The following PLEKHA6 variants were observed in gnomAD, a reference collection of about 807,000 sequenced individuals.
The protein encoded by PLEKHA6 is pleckstrin homology domain containing A6.
Under a neutral mutation model 116.7 loss-of-function variants are expected in PLEKHA6, and 60 were observed. The observed-to-expected ratio is 0.51, with a 90% CI of 0.42 to 0.64. PLEKHA6 has a LOEUF of 0.64. PLEKHA6 is among the 30% of genes least tolerant of loss of function. PLEKHA6 has a pLI of 0.00. For synonymous variants in PLEKHA6, 489 were observed against 556.1 expected (o/e 0.88, Z 1.70); for missense variants, 1,338 against 1,422.7 (o/e 0.94, Z 0.96).
chr1:204,323,393 T>C (rs1276321023), intron 1 of PLEKHA6, among the ~76,000 whole-genome samples: 2 of 152,218 alleles, frequency 1.3e-5, no homozygotes, highest in African/African-American at 2.4e-5. Context: ...ACCTGTCCAA[T>C]AGATCCCAGC....
At chr1:204,249,112 C>T in intron 11 of PLEKHA6, 72 bp downstream of exon 11, 2 of 1,482,038 alleles carry the variant, frequency 1.3e-6, no homozygotes, top group Admixed American at 3.4e-5. Flanking sequence ...AGGTTGGAGA[C>T]AGCAGCCCAC....
intron 1 of PLEKHA6, among the ~76,000 whole-genome samples, chr1:204,335,583 T>C (rs796918545): frequency 2.0e-5 from 3 of 152,068 alleles, no homozygotes; most frequent in African/African-American, 7.2e-5. Context: ...CAAGAAGACA[T>C]TGAGGGAACA....
At chr1:204,340,237 T>C (rs193080873) in intron 1 of PLEKHA6, among the ~76,000 whole-genome samples, 56 of 152,274 alleles carry the variant, frequency 3.7e-4, no homozygotes, top group Non-Finnish European at 6.8e-4. Context: ...GCAGGGTAGC[T>C]GAATGTTAGA....
intron 15 of PLEKHA6, 95 bp from the exon 16 acceptor site, chr1:204,241,909 C>A: frequency 7.5e-7 from 1 of 1,329,812 alleles, no homozygotes; most frequent in South Asian, 1.2e-5. Flanking sequence ...GGTTGAAGCT[C>A]AAACCCTTGC....
rs116089810 is a variant in PLEKHA6, at chr1:204,306,381, C to T, written c.-94-31572G>A. Among the ~76,000 whole-genome samples the T allele has an allele frequency of 2.1e-3, 315 of 152,260 alleles. 2 individuals carry two copies. The highest frequency in any genetic ancestry group is 6.9e-3 in the African/African-American group (287 of 41,556). On this transcript the variant is annotated intron_variant, in intron 1 of 22. Coordinates refer to ENST00000272203, the MANE Select transcript of PLEKHA6 (RefSeq NM_014935.5). ...CCACACAAACCCTAGGAAGACGGGGCCACATTCAGCCAGCCTTACCCACCA... is the reference window on the plus strand; with the variant it reads ...CCACACAAACCCTAGGAAGACGGGGTCACATTCAGCCAGCCTTACCCACCA...
chr1:204,224,239 G>A (rs1660022504), intron 21 of PLEKHA6, among the ~76,000 whole-genome samples: 1 of 152,054 alleles, frequency 6.6e-6, no homozygotes, highest in African/African-American at 2.4e-5. Context: ...GAATTAATGA[G>A]ATTTTACTCT....
chr1:204,261,491 C>T lies in PLEKHA6; in HGVS notation c.382-43G>A, dbSNP rs369854187. 12 of 1,555,548 alleles carry T rather than the reference C, an allele frequency of 7.7e-6. No individual in the cohort carries two copies. Among genetic ancestry groups the T allele is most frequent in the Admixed American group, 1.9e-5 (1 of 52,430 alleles). ...GTGTGGAGCTGGCCTCGGCCTCATCCACCCAGCACACAGTCACCTGTTGGG... is the reference window on the plus strand; with the variant it reads ...GTGTGGAGCTGGCCTCGGCCTCATCTACCCAGCACACAGTCACCTGTTGGG... On this transcript the variant is annotated intron_variant, in intron 6 of 22. Coordinates refer to ENST00000272203, the MANE Select transcript of PLEKHA6 (RefSeq NM_014935.5). This position sits in a 1 kb window ranked among gnomAD's most constrained non-coding sequence, Gnocchi z 4.0.
At chr1:204,249,582 C>T (rs1664261060) in intron 10 of PLEKHA6, among the ~76,000 whole-genome samples, 1 of 152,168 alleles carries the variant, frequency 6.6e-6, no homozygotes, top group African/African-American at 2.4e-5. Context: ...TATGACCTCA[C>T]CTCTTAGGCT....
chr1:204,258,601 A>G (rs1665671929), intron 8 of PLEKHA6, among the ~76,000 whole-genome samples: 1 of 152,220 alleles, frequency 6.6e-6, no homozygotes, highest in Non-Finnish European at 1.5e-5. Flanking sequence ...GCCTTCCTGA[A>G]GCTGTGGCCT....
chr1:204,347,164 C>CT (rs1558194680), intron 1 of PLEKHA6: 3 of 1,129,500 alleles, frequency 2.7e-6, no homozygotes, highest in African/African-American at 3.1e-5. Context: ...CTTATAGACT[C>CT]GCATATACGT....
At chr1:204,372,949 C>T (rs892295435) in intron 1 of PLEKHA6, among the ~76,000 whole-genome samples, 1 of 151,732 alleles carries the variant, frequency 6.6e-6, no homozygotes, top group Non-Finnish European at 1.5e-5. Context: ...ACTCTGCCAT[C>T]CAGACTGGAG....
At chr1:204,322,655 G>C (rs6703598) in intron 1 of PLEKHA6, among the ~76,000 whole-genome samples, 46,477 of 152,034 alleles carry the variant, frequency 0.31, 7,340 homozygotes, top group African/African-American at 0.38. Flanking sequence ...TTCCTTAATG[G>C]GCAGGCAGCA....
In PLEKHA6 at chr1:204,261,727, G is replaced by A. The variant is rs1666145126; in HGVS notation, c.382-279C>T. Among the ~76,000 whole-genome samples the A allele has an allele frequency of 6.6e-6, 1 of 152,152 alleles. No homozygotes were observed. The highest frequency in any genetic ancestry group is 2.1e-4 in the South Asian group (1 of 4,826). On this transcript the variant is annotated intron_variant, in intron 6 of 22. Transcript: ENST00000272203. The surrounding 1 kb of genome is among the most constrained non-coding windows in gnomAD (Gnocchi z 4.0). ...AGGTCAGCCTACTTGCCCCACCTGG[G>A]GTAATTAAAGCAGGAGGGACAATGA...
intron 1 of PLEKHA6, chr1:204,297,094 G>C (rs1572114142): frequency 1.0e-6 from 1 of 984,044 alleles, no homozygotes. Context: ...GAAAGGAAAA[G>C]AATTTAGTGA....
chr1:204,250,268 G>C (rs181052733), intron 10 of PLEKHA6, among the ~76,000 whole-genome samples: 1 of 152,226 alleles, frequency 6.6e-6, no homozygotes, highest in Non-Finnish European at 1.5e-5. Flanking sequence ...TAGGCAAAAC[G>C]GCCCAGCGCT....
At chr1:204,263,633 C>T (rs1666412390) in intron 6 of PLEKHA6, among the ~76,000 whole-genome samples, 1 of 151,898 alleles carries the variant, frequency 6.6e-6, no homozygotes, top group Admixed American at 6.6e-5. Context: ...GTCAGTCACT[C>T]GGGGATGTTT....
intron 9 of PLEKHA6, among the ~76,000 whole-genome samples, chr1:204,254,451 T>G (rs1043031431): frequency 6.6e-6 from 1 of 152,170 alleles, no homozygotes; most frequent in Non-Finnish European, 1.5e-5. Flanking sequence ...TAAAATTTTT[T>G]TTTTCTGTAA....
At position 204,257,874 on chromosome 1, in the gene PLEKHA6, G is replaced by GA. The variant is rs762309563; in HGVS notation, c.1008-6dup. The GA allele has an allele frequency of 6.3e-7, 1 of 1,594,510 alleles. No individual in the cohort carries two copies. The highest frequency in any genetic ancestry group is 1.7e-5 in the Admixed American group (1 of 59,146). On this transcript the variant is annotated splice_polypyrimidine_tract_variant and splice_region_variant and intron_variant, in intron 8 of 22. Coordinates refer to ENST00000272203, the MANE Select transcript of PLEKHA6 (RefSeq NM_014935.5). This position sits in a 1 kb window ranked among gnomAD's most constrained non-coding sequence, Gnocchi z 6.5. ...ACAGGATAGAACCTAGAGGGACTGA[G>GA]AGAGAGGGGACATTGTAATGAAGGC... is the stretch of plus-strand genomic sequence containing the variant.
At chr1:204,285,919 T>G (rs537980791) in intron 1 of PLEKHA6, among the ~76,000 whole-genome samples, 4 of 152,262 alleles carry the variant, frequency 2.6e-5, no homozygotes, top group Non-Finnish European at 5.9e-5. Context: ...AACCTCTAGC[T>G]GACGCTTGGG....
Sources: gnomAD v4.1 joint callset for allele counts (sites outside exome capture counted in the v4.1 genomes callset) on GRCh38, gnomAD v4.1.1 for gene constraint, Gnocchi (gnomAD v3.1) non-coding constraint, MANE v1.5 for transcripts, NCBI Gene and HGNC (gene_info 2026-07-23, HGNC 2026-07-21) for gene names.